UMAD1: variants seen among roughly 807,000 people sequenced by gnomAD.
UMAD1 encodes the protein UBAP1-MVB12-associated (UMA) domain containing 1.
UMAD1 carries 8 observed loss-of-function variants against 6.1 expected under a neutral mutation model. That is an observed-to-expected ratio of 1.30 (90% confidence interval 0.76 to 2.35). The LOEUF is 2.35. Ranked by LOEUF, UMAD1 falls within the 30% of genes most tolerant of loss-of-function variation. The pLI is 0.00. For synonymous variants in UMAD1, 56 were observed against 31.4 expected (o/e 1.78, Z -2.61); for missense variants, 130 against 78.4 (o/e 1.66, Z -2.49).
intron 3 of UMAD1, among the ~76,000 whole-genome samples, chr7:7,833,770 G>A (rs905921909): frequency 2.0e-5 from 3 of 152,142 alleles, no homozygotes; most frequent in Non-Finnish European, 4.4e-5. Context: ...TTCTATGTAT[G>A]TCTTTAATCA....
chr7:7,818,648 C>T (rs1189690958), intron 3 of UMAD1, among the ~76,000 whole-genome samples: 1 of 152,106 alleles, frequency 6.6e-6, no homozygotes, highest in Non-Finnish European at 1.5e-5. Context: ...TTTGACCCAG[C>T]AATACCTTTA....
At chr7:7,822,474 G>A (rs1340354410) in intron 3 of UMAD1, among the ~76,000 whole-genome samples, 3 of 151,886 alleles carry the variant, frequency 2.0e-5, no homozygotes, top group African/African-American at 7.3e-5. Flanking sequence ...CAATTAGCAT[G>A]AAATGAGAGA....
chr7:7,849,206 A>G (rs186570226), intron 3 of UMAD1, among the ~76,000 whole-genome samples: 1 of 152,236 alleles, frequency 6.6e-6, no homozygotes, highest in East Asian at 1.9e-4. Context: ...AAATAGATTC[A>G]CTTATTCCCA....
intron 2 of UMAD1, among the ~76,000 whole-genome samples, chr7:7,713,567 T>A (rs1317601637): frequency 6.6e-6 from 1 of 152,114 alleles, no homozygotes; most frequent in African/African-American, 2.4e-5. Flanking sequence ...TCTTTTGCAT[T>A]TTATTTTCTG....
At chr7:7,876,366 G>A (rs10255888) in intron 3 of UMAD1, among the ~76,000 whole-genome samples, 1 of 152,216 alleles carries the variant, frequency 6.6e-6, no homozygotes, top group Non-Finnish European at 1.5e-5. Context: ...GAAGGAGCTA[G>A]TAGGCCTCTG....
chr7:7,669,750 C>T (rs954483025), intron 1 of UMAD1, among the ~76,000 whole-genome samples: 1 of 152,314 alleles, frequency 6.6e-6, no homozygotes, highest in Middle Eastern at 3.4e-3. Context: ...GAGTGATAGA[C>T]ACGAGGGTGA....
chr7:7,755,201 A>T (rs1012700549), intron 2 of UMAD1, among the ~76,000 whole-genome samples: 3 of 152,202 alleles, frequency 2.0e-5, no homozygotes, highest in Admixed American at 6.5e-5. Context: ...CAGAAATGTT[A>T]TTTAGTAAAG....
chr7:7,812,372 G>T (rs1458375999), intron 3 of UMAD1, among the ~76,000 whole-genome samples: 1 of 152,148 alleles, frequency 6.6e-6, no homozygotes, highest in Non-Finnish European at 1.5e-5. Context: ...ACCTCTGCTG[G>T]ATGAAGTTAG....
chr7:7,661,297 A>G (rs1179986706), intron 1 of UMAD1, among the ~76,000 whole-genome samples: 1 of 152,064 alleles, frequency 6.6e-6, no homozygotes, highest in Non-Finnish European at 1.5e-5. Context: ...GTTATTACCC[A>G]TCTCTGAAGC....
intron 2 of UMAD1, among the ~76,000 whole-genome samples, chr7:7,752,592 T>G (rs35718996): frequency 0.16 from 24,464 of 152,090 alleles, 2,098 homozygotes; most frequent in African/African-American, 0.21. Flanking sequence ...CTGAAAAGAA[T>G]CTTTCCTTAA....
At chr7:7,808,448 A>C (rs1235288604) in intron 3 of UMAD1, among the ~76,000 whole-genome samples, 1 of 152,000 alleles carries the variant, frequency 6.6e-6, no homozygotes, top group Non-Finnish European at 1.5e-5. Context: ...ATATTGTGAA[A>C]ACTGGAACCG....
rs1040275848 is a variant in UMAD1 at position 7,722,093 on chromosome 7, C to T, written c.82+48640C>T. ...GCTTCCTTGCTCCTCAGCCTGCAGACGGCCTATTGTGGGTCTTGTGATCAT... is the reference window on the plus strand; with the variant it reads ...GCTTCCTTGCTCCTCAGCCTGCAGATGGCCTATTGTGGGTCTTGTGATCAT... On this transcript the variant is annotated intron_variant, in intron 2 of 3. Coordinates refer to ENST00000682710, the MANE Select transcript of UMAD1 (RefSeq NM_001302348.2). Among the ~76,000 whole-genome samples the T allele has an allele frequency of 1.4e-4, 21 of 151,620 alleles. 1 individual carries two copies. Among genetic ancestry groups the T allele is most frequent in the Admixed American group, 9.9e-4 (15 of 15,188 alleles).
chr7:7,742,321 G>GA (rs1202109782), intron 2 of UMAD1: 3 of 623,796 alleles, frequency 4.8e-6, no homozygotes, highest in Non-Finnish European at 9.3e-6. Context: ...GCGGAAATTT[G>GA]ATAGTGTAGT....
At chr7:7,741,711 C>A (rs1350166694) in intron 2 of UMAD1, among the ~76,000 whole-genome samples, 2 of 151,570 alleles carry the variant, frequency 1.3e-5, no homozygotes, top group African/African-American at 4.8e-5. Context: ...ATAACTTAAA[C>A]AAACTTAAAC....
intron 2 of UMAD1, among the ~76,000 whole-genome samples, chr7:7,704,631 G>C (rs1430613697): frequency 2.0e-5 from 3 of 150,460 alleles, no homozygotes; most frequent in Admixed American, 1.3e-4. Context: ...AGCTGGGCAT[G>C]GTCATGCACG....
At chr7:7,731,298 C>T (rs1005276925) in intron 2 of UMAD1, among the ~76,000 whole-genome samples, 2 of 152,052 alleles carry the variant, frequency 1.3e-5, no homozygotes, top group South Asian at 2.1e-4. Flanking sequence ...CTGCACCCGG[C>T]CTCAAATATG....
intron 1 of UMAD1, among the ~76,000 whole-genome samples, chr7:7,647,074 C>T (rs1368796048): frequency 2.6e-5 from 4 of 152,166 alleles, no homozygotes; most frequent in African/African-American, 9.7e-5. Flanking sequence ...CAAGATTGTA[C>T]ATAAAACTGA....
chr7:7,652,317 G>A (rs965751537), intron 1 of UMAD1, among the ~76,000 whole-genome samples: 12 of 152,150 alleles, frequency 7.9e-5, no homozygotes, highest in Non-Finnish European at 1.3e-4. Context: ...CATGCAGTTC[G>A]TGGAAGTTTG....
chr7:7,856,847 G>C (rs918148488), intron 3 of UMAD1, among the ~76,000 whole-genome samples: 1 of 151,994 alleles, frequency 6.6e-6, no homozygotes, highest in African/African-American at 2.4e-5. Context: ...TTAACTTTTG[G>C]GTATAAAAGG....
Sources: allele counts gnomAD v4.1 joint callset (sites outside exome capture counted in the v4.1 genomes callset), GRCh38; gene constraint gnomAD v4.1.1; transcripts MANE v1.5; gene names NCBI Gene and HGNC (gene_info 2026-07-23, HGNC 2026-07-21).